Variants in MACROH2A2 observed in about 807,000 individuals in gnomAD.
MACROH2A2 encodes the protein macroH2A.2 histone.
Under a neutral mutation model 37.6 loss-of-function variants are expected in MACROH2A2, and 6 were observed. The ratio of observed to expected loss-of-function variants is 0.16; its 90% CI spans 0.09 to 0.32. The LOEUF (loss-of-function observed/expected upper bound fraction) is 0.32. MACROH2A2 is among the 10% of genes least tolerant of loss of function. The pLI, the probability that MACROH2A2 is intolerant of heterozygous loss-of-function variation, is 1.00. For synonymous variants in MACROH2A2, 192 were observed against 202.7 expected (o/e 0.95, Z 0.45); for missense variants, 290 against 485.9 (o/e 0.60, Z 3.79).
intron 1 of MACROH2A2, among the ~76,000 whole-genome samples, chr10:70,061,422 T>G (rs2072049511): frequency 1.3e-5 from 2 of 152,246 alleles, no homozygotes; most frequent in Admixed American, 1.3e-4. Flanking sequence ...CGTATTTATA[T>G]TAGAAAATAG....
chr10:70,099,176 T>A (rs970678011), intron 6 of MACROH2A2: 1 of 152,182 alleles, frequency 6.6e-6, no homozygotes, highest in Non-Finnish European at 1.5e-5. Flanking sequence ...CTCAGTTGCA[T>A]CATGGAAACC....
intron 3 of MACROH2A2, among the ~76,000 whole-genome samples, chr10:70,091,039 T>C (rs1468590905): frequency 6.6e-6 from 1 of 152,242 alleles, no homozygotes; most frequent in Non-Finnish European, 1.5e-5. Context: ...ACTTTACTGA[T>C]GGAATGTATG....
Position 70,101,667 on chromosome 10 carries a change from C to T in MACROH2A2, c.778+1370C>T, listed in dbSNP as rs2072307884. Among the ~76,000 whole-genome samples, 3 of 151,532 alleles carry T rather than the reference C, an allele frequency of 2.0e-5. No individual in the cohort carries two copies. The South Asian group carries it at 6.3e-4, about 32-fold the overall frequency. On this transcript the variant is annotated intron_variant, in intron 7 of 8. Coordinates refer to ENST00000373255, the MANE Select transcript of MACROH2A2 (RefSeq NM_018649.3). ...TTAAGCAGTCATGCCCAGTGCCCCC[C>T]TCAGGCCCTGGCAAGCACTAATCTA...
intron 7 of MACROH2A2, among the ~76,000 whole-genome samples, chr10:70,105,374 G>A (rs936676875): frequency 6.6e-6 from 1 of 152,226 alleles, no homozygotes; most frequent in Admixed American, 6.5e-5. Flanking sequence ...ACAGCTGGCT[G>A]CTGAATTGCA....
At chr10:70,087,236 CTTT>C (rs573916118) in intron 2 of MACROH2A2, among the ~76,000 whole-genome samples, 3 of 138,714 alleles carry the variant, frequency 2.2e-5, no homozygotes, top group Admixed American at 7.2e-5. Flanking sequence ...TTTCTTTCTT[CTTT>C]TTTTTTTTTT....
chr10:70,090,904 T>C (rs1423580167), intron 3 of MACROH2A2, among the ~76,000 whole-genome samples: 1 of 152,254 alleles, frequency 6.6e-6, no homozygotes, highest in Admixed American at 6.5e-5. Flanking sequence ...GGGTGAGCCA[T>C]GGTCGCAGAC....
intron 7 of MACROH2A2, among the ~76,000 whole-genome samples, chr10:70,105,138 T>G (rs565256616): frequency 1.3e-5 from 2 of 152,296 alleles, no homozygotes; most frequent in South Asian, 4.1e-4. Flanking sequence ...TGTTGAATAT[T>G]GGAGCACCTG....
chr10:70,055,668 C>A (rs182327480), intron 1 of MACROH2A2, among the ~76,000 whole-genome samples: 12 of 152,242 alleles, frequency 7.9e-5, no homozygotes, highest in Non-Finnish European at 1.6e-4. Context: ...AGTGGGAAAA[C>A]AGGTACTTTC....
At chr10:70,054,015 CG>C (rs1283803791) in intron 1 of MACROH2A2, among the ~76,000 whole-genome samples, 3 of 152,144 alleles carry the variant, frequency 2.0e-5, no homozygotes, top group African/African-American at 4.8e-5. Flanking sequence ...GCCAGCCCCC[CG>C]GATCGCCCGT....
intron 1 of MACROH2A2, among the ~76,000 whole-genome samples, chr10:70,065,563 G>C (rs558849508): frequency 6.6e-6 from 1 of 152,212 alleles, no homozygotes; most frequent in South Asian, 2.1e-4. Flanking sequence ...TGAAGACATG[G>C]TGCATTCATT....
At chr10:70,083,113 A>G (rs1020650176) in intron 2 of MACROH2A2, among the ~76,000 whole-genome samples, 5 of 152,184 alleles carry the variant, frequency 3.3e-5, no homozygotes, top group African/African-American at 1.2e-4. Context: ...AAACACAGAG[A>G]CAAGGAGCCT....
chr10:70,091,903 CAAG>C lies in MACROH2A2; in HGVS notation c.430_432del (p.Lys144del). ...AAAGAGGCAGGAAGGCCACGTCAGG[CAAG>C]AAGGGGGGGAAGAAATCCAAGGCTG... On this transcript the variant is annotated inframe_deletion, in exon 4 of 9. Coordinates refer to ENST00000373255, the MANE Select transcript of MACROH2A2 (RefSeq NM_018649.3). 1 of 1,613,938 alleles carries C rather than the reference CAAG, an allele frequency of 6.2e-7. No individual in the cohort carries two copies. The highest frequency in any genetic ancestry group is 8.5e-7 in the Non-Finnish European group (1 of 1,180,012).
intron 4 of MACROH2A2, 78 bp downstream of exon 4, chr10:70,092,032 A>G: frequency 8.4e-7 from 1 of 1,187,264 alleles, no homozygotes; most frequent in Non-Finnish European, 1.2e-6. Context: ...CACAATTCAT[A>G]TGTTGAAACC....
intron 6 of MACROH2A2, among the ~76,000 whole-genome samples, chr10:70,097,344 G>T (rs1366360986): frequency 1.3e-5 from 2 of 152,154 alleles, no homozygotes; most frequent in Admixed American, 6.5e-5. Context: ...TCCCATAGGG[G>T]TGCTGTGATG....
chr10:70,079,617 G>A (rs556447495), intron 2 of MACROH2A2, among the ~76,000 whole-genome samples: 8 of 148,212 alleles, frequency 5.4e-5, no homozygotes, highest in South Asian at 2.2e-4. Context: ...GGCAGAGGAG[G>A]CATCAAAGAG....
At chr10:70,096,288 C>T (rs1227824885) in intron 6 of MACROH2A2, among the ~76,000 whole-genome samples, 1 of 152,182 alleles carries the variant, frequency 6.6e-6, no homozygotes, top group African/African-American at 2.4e-5. Context: ...TGTAGTATTA[C>T]ACTCTATAAA....
chr10:70,086,835 A>G (rs2072214761), intron 2 of MACROH2A2, among the ~76,000 whole-genome samples: 1 of 152,198 alleles, frequency 6.6e-6, no homozygotes, highest in African/African-American at 2.4e-5. Flanking sequence ...TGAGATGAGC[A>G]GGGGCAGCAC....
chr10:70,111,282 TAA>T (rs753517959), intron 8 of MACROH2A2, among the ~76,000 whole-genome samples: 1 of 152,012 alleles, frequency 6.6e-6, no homozygotes, highest in African/African-American at 2.4e-5. Context: ...ACAAATAAAT[TAA>T]TTTAATCAAA....
chr10:70,103,685 T>C (rs962696135), intron 7 of MACROH2A2, among the ~76,000 whole-genome samples: 1 of 151,336 alleles, frequency 6.6e-6, no homozygotes, highest in African/African-American at 2.4e-5. Context: ...GCCTTAGAAA[T>C]TGAAAAATCA....
Sources: allele counts gnomAD v4.1 joint callset (sites outside exome capture counted in the v4.1 genomes callset), GRCh38; gene constraint gnomAD v4.1.1; transcripts MANE v1.5; gene names NCBI Gene and HGNC (gene_info 2026-07-23, HGNC 2026-07-21).